The following ENOX2 variants were observed in gnomAD, a reference collection of about 807,000 sequenced individuals.
ENOX2 encodes APK1 antigen.
In ENOX2, 36 loss-of-function variants were observed where a neutral mutation model predicts 45.0. That is an observed-to-expected ratio of 0.80 (90% CI 0.61 to 1.06). The LOEUF (loss-of-function observed/expected upper bound fraction) is 1.06. Among genes scored for constraint, ENOX2 ranks in the 50% least tolerant of loss-of-function variants. The pLI is 0.00. For missense variants in ENOX2, 423 were observed against 462.5 expected (o/e 0.91, Z 0.78); for synonymous variants, 174 against 152.3 (o/e 1.14, Z -1.05).
intron 5 of ENOX2, among the ~76,000 whole-genome samples, chrX:130,686,408 C>G (rs774949608): frequency 8.2e-4 from 92 of 111,669 alleles, no homozygotes; most frequent in Non-Finnish European, 1.2e-3. Flanking sequence ...TTGCCTTCTG[C>G]CATGATTGGA....
At chrX:130,656,821 T>C (rs1569481594) in intron 9 of ENOX2, 126 bp from the exon 10 acceptor site, 4 of 447,299 alleles carry the variant, frequency 8.9e-6, no homozygotes, top group Non-Finnish European at 7.7e-6. Flanking sequence ...CTCCAAATAC[T>C]CTTAAGGCAA....
At chrX:130,777,588 G>A (rs917562468) in intron 3 of ENOX2, among the ~76,000 whole-genome samples, 1 of 110,994 alleles carries the variant, frequency 9.0e-6, no homozygotes, top group Non-Finnish European at 1.9e-5. Flanking sequence ...TATTACCAAC[G>A]TATCAGGCTA....
At chrX:130,858,178 A>G (rs1462851407) in intron 2 of ENOX2, among the ~76,000 whole-genome samples, 14 of 104,752 alleles carry the variant, frequency 1.3e-4, no homozygotes, top group Non-Finnish European at 2.5e-4. Flanking sequence ...GCAATGGCGC[A>G]ATTTCGGCTC....
intron 2 of ENOX2, among the ~76,000 whole-genome samples, chrX:130,815,144 C>T (rs779242137): frequency 1.8e-5 from 2 of 111,444 alleles, no homozygotes; most frequent in African/African-American, 6.5e-5. Context: ...GAAGAAAGGA[C>T]ATCAGAGATC....
intron 3 of ENOX2, among the ~76,000 whole-genome samples, chrX:130,763,455 A>AG (rs1448265588): frequency 9.0e-6 from 1 of 111,288 alleles, no homozygotes; most frequent in Non-Finnish European, 1.9e-5. Context: ...TTTAGTGGGT[A>AG]GGAGCACCTT....
rs185847399 is a variant in ENOX2, at chrX:130,816,067, G to C, written c.-182-32377C>G. ...TGGAGGAATATTTACCAAGCAAATG[G>C]AAAGCAAAACAAAAACAAACAAACA... On this transcript the variant is annotated intron_variant, in intron 2 of 14. Coordinates refer to ENST00000394363, the MANE Select transcript of ENOX2 (RefSeq NM_006375.4). 9.0e-5 allele frequency among the ~76,000 whole-genome samples: 10 copies of C among 111,452 alleles called. No homozygotes were observed. In the East Asian group the frequency reaches 2.8e-3, roughly 31 times the overall value.
At chrX:130,722,925 G>A (rs1213563617) in intron 3 of ENOX2, among the ~76,000 whole-genome samples, 1 of 112,493 alleles carries the variant, frequency 8.9e-6, no homozygotes, top group Admixed American at 9.4e-5. Flanking sequence ...AAAAGAGTAA[G>A]CTGAATCTGC....
chrX:130,902,865 G>A (rs2079170636), intron 1 of ENOX2, among the ~76,000 whole-genome samples, 184 bp downstream of exon 1: 2 of 103,568 alleles, frequency 1.9e-5, no homozygotes, highest in African/African-American at 7.1e-5. Context: ...GGGCTCAAGA[G>A]AACTGGCGCC....
intron 3 of ENOX2, among the ~76,000 whole-genome samples, chrX:130,754,800 T>C (rs148568138): frequency 1.9e-4 from 21 of 111,108 alleles, no homozygotes; most frequent in Non-Finnish European, 3.8e-4. Context: ...ACCATGTTCA[T>C]TACTTGGGTA....
At chrX:130,670,429 G>A (rs919700308) in intron 6 of ENOX2, among the ~76,000 whole-genome samples, 7 of 111,236 alleles carry the variant, frequency 6.3e-5, no homozygotes, top group African/African-American at 2.3e-4. Context: ...TCTGATAATA[G>A]CTCACATTCT....
At chrX:130,807,705 T>G (rs1164585606) in intron 2 of ENOX2, among the ~76,000 whole-genome samples, 1 of 111,747 alleles carries the variant, frequency 8.9e-6, no homozygotes, top group African/African-American at 3.3e-5. Flanking sequence ...TAGGATTCCC[T>G]TACAGTACAG....
chrX:130,796,694 C>T (rs1341513851), intron 2 of ENOX2, among the ~76,000 whole-genome samples: 2 of 111,789 alleles, frequency 1.8e-5, no homozygotes, highest in East Asian at 2.8e-4. Flanking sequence ...CCTTTGCTTT[C>T]TCCTTTCATC....
intron 3 of ENOX2, 135 bp from the exon 4 acceptor site, chrX:130,703,389 G>A: frequency 1.9e-6 from 1 of 522,007 alleles, no homozygotes; most frequent in Middle Eastern, 5.2e-4. Flanking sequence ...AGGCCTCAAT[G>A]CCAGCTTTCT....
At chrX:130,722,198 C>G (rs1472247868) in intron 3 of ENOX2, among the ~76,000 whole-genome samples, 7 of 111,946 alleles carry the variant, frequency 6.3e-5, no homozygotes, top group African/African-American at 2.3e-4. Flanking sequence ...TAAAGGGAAC[C>G]AGGATGGAGG....
At chrX:130,799,019 T>C (rs2077176353) in intron 2 of ENOX2, among the ~76,000 whole-genome samples, 1 of 112,006 alleles carries the variant, frequency 8.9e-6, no homozygotes, top group Non-Finnish European at 1.9e-5. Flanking sequence ...TCAACTTGAA[T>C]AGATTGAAGG....
intron 2 of ENOX2, among the ~76,000 whole-genome samples, chrX:130,848,210 G>A (rs1241998647): frequency 1.8e-5 from 2 of 110,931 alleles, no homozygotes; most frequent in Non-Finnish European, 1.9e-5. Flanking sequence ...ATTTATCAAT[G>A]TCATTAAATA....
intron 10 of ENOX2, among the ~76,000 whole-genome samples, chrX:130,652,546 C>T (rs889845102): frequency 2.7e-5 from 3 of 112,205 alleles, no homozygotes; most frequent in Non-Finnish European, 3.8e-5. Flanking sequence ...CATCATATTC[C>T]GCAAATCAGT....
intron 2 of ENOX2, among the ~76,000 whole-genome samples, chrX:130,793,398 G>A (rs1382949568): frequency 1.8e-5 from 2 of 112,100 alleles, no homozygotes; most frequent in Admixed American, 1.9e-4. Context: ...AATAAATAAT[G>A]CGGGAGTAGT....
intron 4 of ENOX2, among the ~76,000 whole-genome samples, chrX:130,700,412 C>A (rs928622706): frequency 8.9e-6 from 1 of 111,738 alleles, no homozygotes; most frequent in African/African-American, 3.3e-5. Flanking sequence ...ACATACAGGT[C>A]AAAGAGAAAC....
Sources: allele counts gnomAD v4.1 joint callset (sites outside exome capture counted in the v4.1 genomes callset), GRCh38; gene constraint gnomAD v4.1.1; transcripts MANE v1.5; gene names NCBI Gene and HGNC (gene_info 2026-07-23, HGNC 2026-07-21).